Variants in ZNF804A observed in about 807,000 individuals in gnomAD.
ZNF804A encodes the protein zinc finger protein 804A.
Under a neutral mutation model 16.5 loss-of-function variants are expected in ZNF804A, and 2 were observed. The observed-to-expected ratio is 0.12, with a 90% CI of 0.05 to 0.38. The LOEUF (loss-of-function observed/expected upper bound fraction) is 0.38. Ranked by LOEUF, ZNF804A falls within the 10% of genes least tolerant of loss-of-function variation. The pLI is 0.99. For missense variants in ZNF804A, 1,473 were observed against 1,390.7 expected (o/e 1.06, Z -0.94); for synonymous variants, 534 against 489.6 (o/e 1.09, Z -1.20).
At chr2:184,705,967 G>T (rs1693024462) in intron 1 of ZNF804A, among the ~76,000 whole-genome samples, 1 of 152,118 alleles carries the variant, frequency 6.6e-6, no homozygotes, top group Admixed American at 6.5e-5. Context: ...GAGGCTGACT[G>T]CTATTCACTT....
At chr2:184,620,055 A>G (rs1452401544) in intron 1 of ZNF804A, among the ~76,000 whole-genome samples, 8 of 151,826 alleles carry the variant, frequency 5.3e-5, no homozygotes, top group African/African-American at 1.4e-4. Context: ...ATTATATATG[A>G]TATCAGATTA....
chr2:184,731,250 G>A (rs1323486498), intron 1 of ZNF804A, among the ~76,000 whole-genome samples: 1 of 6,022 alleles, frequency 1.7e-4, no homozygotes, highest in Admixed American at 8.1e-3. Flanking sequence ...AGGCTCCGTC[G>A]CAAAAAAAAA....
At chr2:184,695,750 A>G (rs1223256508) in intron 1 of ZNF804A, among the ~76,000 whole-genome samples, 1 of 152,088 alleles carries the variant, frequency 6.6e-6, no homozygotes, top group Non-Finnish European at 1.5e-5. Flanking sequence ...TATTTAGGGC[A>G]TCTTGTCACC....
rs539423751 is a variant in ZNF804A, at chr2:184,908,232, C to T, written c.256-25371C>T. ...TGCCTTTGCCAGCTTTAAGGGGTGA[C>T]CTTTATTCCTTGGATCATGGCCTCT... On this transcript the variant is annotated intron_variant, in intron 2 of 3. Transcript: ENST00000302277. Among the ~76,000 whole-genome samples the T allele has an allele frequency of 1.1e-3, 163 of 152,088 alleles. 2 individuals are homozygous for T. Among genetic ancestry groups the T allele is most frequent in the Admixed American group, 3.9e-3 (59 of 15,248 alleles).
chr2:184,835,234 C>T (rs1048203610), intron 1 of ZNF804A, among the ~76,000 whole-genome samples: 16 of 152,212 alleles, frequency 1.1e-4, no homozygotes, highest in Non-Finnish European at 2.4e-4. Flanking sequence ...TTTATTGAAG[C>T]AGCAGTGTAG....
At chr2:184,630,544 G>T (rs749392623) in intron 1 of ZNF804A, among the ~76,000 whole-genome samples, 1 of 152,116 alleles carries the variant, frequency 6.6e-6, no homozygotes, top group Admixed American at 6.5e-5. Context: ...TGATTCAAAA[G>T]CAAAAAGAGT....
intron 1 of ZNF804A, among the ~76,000 whole-genome samples, chr2:184,634,957 T>A (rs556246782): frequency 6.7e-6 from 1 of 149,384 alleles, no homozygotes; most frequent in East Asian, 1.9e-4. Flanking sequence ...GCTAATTTTG[T>A]ATTTTTTTAA....
At chr2:184,836,182 A>G (rs1447112054) in intron 1 of ZNF804A, among the ~76,000 whole-genome samples, 2 of 152,130 alleles carry the variant, frequency 1.3e-5, no homozygotes, top group African/African-American at 4.8e-5. Flanking sequence ...TTTAAAATTA[A>G]GTTATTTAAT....
rs181419261 is a variant in ZNF804A at position 184,924,800 on chromosome 2, C to G, written c.256-8803C>G. ...CCTTCTTTATCTCTTTATTGACCTA[C>G]TGATCATTAAGGAGCATATTGTTTC... On this transcript the variant is annotated intron_variant, in intron 2 of 3. Coordinates refer to ENST00000302277, the MANE Select transcript of ZNF804A (RefSeq NM_194250.2). Among the ~76,000 whole-genome samples the G allele has an allele frequency of 6.2e-3, 940 of 152,012 alleles. 9 individuals are homozygous for G. Among genetic ancestry groups the G allele is most frequent in the Middle Eastern group, 0.061 (18 of 294 alleles).
intron 2 of ZNF804A, among the ~76,000 whole-genome samples, chr2:184,910,988 C>G (rs1685347160): frequency 6.6e-6 from 1 of 151,840 alleles, no homozygotes. Context: ...TAATTAGGTC[C>G]ACTTGTCAAT....
chr2:184,862,899 G>A (rs775061624), intron 1 of ZNF804A, among the ~76,000 whole-genome samples: 7 of 152,002 alleles, frequency 4.6e-5, no homozygotes, highest in Non-Finnish European at 8.8e-5. Flanking sequence ...AATGATTGTG[G>A]TTTCTCTACT....
intron 1 of ZNF804A, among the ~76,000 whole-genome samples, chr2:184,827,658 G>A (rs973165008): frequency 6.6e-6 from 1 of 151,060 alleles, no homozygotes; most frequent in African/African-American, 2.4e-5. Flanking sequence ...TTCAGATAAT[G>A]GAATCAATAT....
At chr2:184,762,356 G>C (rs545242883) in intron 1 of ZNF804A, among the ~76,000 whole-genome samples, 1 of 151,724 alleles carries the variant, frequency 6.6e-6, no homozygotes, top group South Asian at 2.1e-4. Flanking sequence ...GTAATCCGGA[G>C]TCAAAATGAA....
intron 1 of ZNF804A, among the ~76,000 whole-genome samples, chr2:184,713,048 T>G (rs1693154225): frequency 6.6e-6 from 1 of 151,824 alleles, no homozygotes; most frequent in African/African-American, 2.4e-5. Flanking sequence ...ATTTATTTAT[T>G]TTTTAATTGA....
chr2:184,877,753 G>T (rs187180400), intron 2 of ZNF804A, among the ~76,000 whole-genome samples: 2 of 152,166 alleles, frequency 1.3e-5, no homozygotes, highest in African/African-American at 4.8e-5. Flanking sequence ...GGAAAAGAGA[G>T]TCAAAATGCC....
At chr2:184,717,878 A>C (rs1693240471) in intron 1 of ZNF804A, among the ~76,000 whole-genome samples, 1 of 152,176 alleles carries the variant, frequency 6.6e-6, no homozygotes, top group African/African-American at 2.4e-5. Context: ...CAAATGGGGA[A>C]AAGCTCAAAG....
chr2:184,865,525 T>C (rs1001869343), intron 1 of ZNF804A, among the ~76,000 whole-genome samples: 1 of 152,068 alleles, frequency 6.6e-6, no homozygotes, highest in African/African-American at 2.4e-5. Flanking sequence ...TTTGCCATTA[T>C]TTGTGACACT....
At chr2:184,772,841 T>TACA (rs1248865254) in intron 1 of ZNF804A, among the ~76,000 whole-genome samples, 1 of 151,118 alleles carries the variant, frequency 6.6e-6, no homozygotes, top group African/African-American at 2.4e-5. Context: ...TCCTAGTGGA[T>TACA]GTGACATGGT....
chr2:184,619,057 GAGGGAGC>G (rs1249546399), intron 1 of ZNF804A, among the ~76,000 whole-genome samples: 1 of 152,034 alleles, frequency 6.6e-6, no homozygotes, highest in Admixed American at 6.6e-5. Context: ...CAGGGAATGG[GAGGGAGC>G]AGGGAGGAGA....
Sources: allele counts gnomAD v4.1 joint callset (sites outside exome capture counted in the v4.1 genomes callset), GRCh38; gene constraint gnomAD v4.1.1; transcripts MANE v1.5; gene names NCBI Gene and HGNC (gene_info 2026-07-23, HGNC 2026-07-21).